The following VAV1 variants were observed in gnomAD, a reference collection of about 807,000 sequenced individuals.
VAV1 encodes vav guanine nucleotide exchange factor 1, also known as proto-oncogene vav.
In VAV1, 33 loss-of-function variants were observed where a neutral mutation model predicts 128.1. The ratio of observed to expected loss-of-function variants is 0.26; its 90% CI spans 0.20 to 0.34. The LOEUF (loss-of-function observed/expected upper bound fraction) is 0.34. Ranked by LOEUF, VAV1 falls within the 10% of genes least tolerant of loss-of-function variation. The pLI is 1.00. For missense variants in VAV1, 715 were observed against 1,093.7 expected, an observed-to-expected ratio of 0.65 and a Z score of 4.88; for synonymous variants, 394 against 409.8, an observed-to-expected ratio of 0.96 and a Z score of 0.47.
At chr19:6,854,210 C>T (rs1209431839) in intron 26 of VAV1, 112 bp downstream of exon 26, 5 of 1,402,888 alleles carry the variant, frequency 3.6e-6, no homozygotes, top group East Asian at 2.3e-5. Flanking sequence ...GGAGATCTCT[C>T]ACGGTGGGAG....
At chr19:6,781,608 G>C (rs1193472892) in intron 1 of VAV1, among the ~76,000 whole-genome samples, 6 of 138,492 alleles carry the variant, frequency 4.3e-5, no homozygotes, top group Non-Finnish European at 1.5e-5. Context: ...TTCTCTTACT[G>C]ATTTTTTTTT....
chr19:6,782,353 T>A (rs903444074), intron 1 of VAV1, among the ~76,000 whole-genome samples: 1 of 143,682 alleles, frequency 7.0e-6, no homozygotes, highest in Non-Finnish European at 1.5e-5. Flanking sequence ...AATAAATAAA[T>A]AAAAATAAAA....
chr19:6,791,096 CTTG>C (rs1971007595), intron 1 of VAV1, among the ~76,000 whole-genome samples: 2 of 152,228 alleles, frequency 1.3e-5, no homozygotes, highest in African/African-American at 4.8e-5. Context: ...TACAAGGACA[CTTG>C]TTATTGGATT....
chr19:6,853,884 C>A, intron 25 of VAV1, 63 bp from the exon 26 acceptor site: 1 of 1,573,044 alleles, frequency 6.4e-7, no homozygotes, highest in Non-Finnish European at 8.6e-7. Flanking sequence ...AGAGCTTGTG[C>A]CCCCAGAGAG....
chr19:6,805,068 G>A (rs143146240), intron 1 of VAV1, among the ~76,000 whole-genome samples: 32 of 152,090 alleles, frequency 2.1e-4, no homozygotes, highest in Admixed American at 6.6e-4. Flanking sequence ...GTAAGGGGCA[G>A]TTTATGCAGA....
At chr19:6,853,136 A>G (rs779293780) in intron 25 of VAV1, 57 bp downstream of exon 25, 87 of 1,522,956 alleles carry the variant, frequency 5.7e-5, no homozygotes, top group Non-Finnish European at 7.5e-5. Context: ...TGTGGAGGGA[A>G]ACTTTGGGGA....
intron 21 of VAV1, among the ~76,000 whole-genome samples, chr19:6,841,456 A>C (rs2144810174): frequency 1.3e-5 from 2 of 148,752 alleles, no homozygotes; most frequent in South Asian, 4.3e-4. Context: ...GTTTTGAGGA[A>C]CCACCATACT....
At chr19:6,810,116 C>T (rs1971484638) in intron 1 of VAV1, among the ~76,000 whole-genome samples, 1 of 152,016 alleles carries the variant, frequency 6.6e-6, no homozygotes, top group South Asian at 2.1e-4. Flanking sequence ...AAGGTGGAGG[C>T]TGCAGTGAGC....
chr19:6,846,559 C>T (rs115972123), intron 22 of VAV1, among the ~76,000 whole-genome samples: 1 of 148,574 alleles, frequency 6.7e-6, no homozygotes, highest in Non-Finnish European at 1.5e-5. Context: ...GGCACTGTCT[C>T]AAAAAAAATT....
Position 6,836,479 on chromosome 19 carries a change from C to G in VAV1, c.1825C>G (p.Pro609Ala), listed in dbSNP as rs888309098. 2.5e-6 allele frequency: 4 copies of G among 1,614,114 alleles called. No homozygotes were observed. The highest frequency in any genetic ancestry group is 3.4e-6 in the Non-Finnish European group (4 of 1,180,030). ...TCAGGAATACTACGGGCTTCCTCCA[C>G]CCCCTGGAGCCATTGGACCCTTTCT... ...VFQEYYGLPP[P>A]PGAIGPFLRL... Residue 609 changes from proline to alanine, a missense_variant, in exon 20 of 27, where the codon CCC (proline) becomes GCC (alanine). Pro to Ala is a conservative substitution (Grantham distance 27). Transcript: ENST00000602142.
intron 1 of VAV1, among the ~76,000 whole-genome samples, chr19:6,788,043 C>G (rs1970934263): frequency 6.6e-6 from 1 of 152,028 alleles, no homozygotes; most frequent in African/African-American, 2.4e-5. Flanking sequence ...CGCCACTGCA[C>G]TCCAGCCTGG....
At chr19:6,801,589 G>A (rs1239670890) in intron 1 of VAV1, among the ~76,000 whole-genome samples, 2 of 152,164 alleles carry the variant, frequency 1.3e-5, no homozygotes, top group Admixed American at 1.3e-4. Context: ...GCCTGATGAA[G>A]GGGCTGATGG....
intron 21 of VAV1, among the ~76,000 whole-genome samples, chr19:6,839,083 A>G (rs1272461872): frequency 6.6e-6 from 1 of 151,750 alleles, no homozygotes; most frequent in Non-Finnish European, 1.5e-5. Flanking sequence ...TTGTATTTTT[A>G]GTAGAGATGG....
At chr19:6,846,827 T>G (rs1972534544) in intron 22 of VAV1, among the ~76,000 whole-genome samples, 1 of 147,942 alleles carries the variant, frequency 6.8e-6, no homozygotes, top group Non-Finnish European at 1.5e-5. Context: ...ATAATGATTA[T>G]ATATTATTAT....
At chr19:6,814,674 T>TCCTTCCTTCCTTCCTTTC (rs1568299208) in intron 1 of VAV1, among the ~76,000 whole-genome samples, 1 of 95,184 alleles carries the variant, frequency 1.1e-5, no homozygotes, top group African/African-American at 5.5e-5. Context: ...CTTCCTTCCT[T>TCCTTCCTTCCTTCCTTTC]TCTTTCTTTC....
intron 1 of VAV1, among the ~76,000 whole-genome samples, chr19:6,798,245 C>T (rs1186649588): frequency 1.3e-5 from 2 of 152,074 alleles, no homozygotes; most frequent in Non-Finnish European, 2.9e-5. Context: ...TCATTGCACT[C>T]CAGCCTGGGC....
intron 1 of VAV1, among the ~76,000 whole-genome samples, chr19:6,807,886 G>A (rs1005952336): frequency 6.6e-6 from 1 of 150,486 alleles, no homozygotes; most frequent in African/African-American, 2.5e-5. Flanking sequence ...AGCTACTCAG[G>A]AGGCTGAGCA....
rs1336132462 is a variant in VAV1, at chr19:6,820,839, C to A, written c.321+21C>A. 6.2e-7 allele frequency: 1 copy of A among 1,600,522 alleles called. No homozygotes were observed. Among genetic ancestry groups the A allele is most frequent in the South Asian group, 1.1e-5 (1 of 90,820 alleles). On this transcript the variant is annotated intron_variant, in intron 2 of 26. Transcript: ENST00000602142. The surrounding 1 kb of genome is among the most constrained non-coding windows in gnomAD (Gnocchi z 4.4). The stretch of plus-strand genomic sequence containing the variant: ...GCAAGGTGAGCTGCACACTTGAAGC[C>A]CAAAGACTGAGTTTCAGTTAATTTC...
intron 1 of VAV1, among the ~76,000 whole-genome samples, chr19:6,819,555 T>A (rs1044878776): frequency 6.6e-6 from 1 of 152,240 alleles, no homozygotes; most frequent in Non-Finnish European, 1.5e-5. Context: ...TCCTTTTTTA[T>A]GGCTGAGTAA....
Sources: gnomAD v4.1 joint callset for allele counts (sites outside exome capture counted in the v4.1 genomes callset) on GRCh38, gnomAD v4.1.1 for gene constraint, Gnocchi (gnomAD v3.1) non-coding constraint, MANE v1.5 for transcripts, NCBI Gene and HGNC (gene_info 2026-07-23, HGNC 2026-07-21) for gene names.